Variants in CHSY3 observed in about 807,000 individuals in gnomAD.
CHSY3 encodes the protein N-acetylgalactosaminyl-proteoglycan 3-beta-glucuronosyltransferase 3.
In CHSY3, 35 loss-of-function variants were observed where a neutral mutation model predicts 67.2. The ratio of observed to expected loss-of-function variants is 0.52; its 90% CI spans 0.40 to 0.69. The LOEUF (loss-of-function observed/expected upper bound fraction) is 0.69, where lower values mean the gene tolerates loss of function less well. Ranked by LOEUF, CHSY3 falls within the 30% of genes least tolerant of loss-of-function variation. The probability of loss-of-function intolerance (pLI) is 0.00; values close to 1 mark genes in which losing one functional copy is unlikely to be tolerated. For synonymous variants in CHSY3, 474 were observed against 434.7 expected (o/e 1.09, Z -1.12); for missense variants, 1,069 against 1,138.5 (o/e 0.94, Z 0.88).
At chr5:130,088,602 C>T (rs7714299) in intron 2 of CHSY3, among the ~76,000 whole-genome samples, 1,839 of 152,138 alleles carry the variant, frequency 0.012, 38 homozygotes, top group African/African-American at 0.042. Flanking sequence ...ATTTATGCAG[C>T]CAAAAAACAC....
At position 130,033,725 on chromosome 5, in the gene CHSY3, T is replaced by C. The variant is rs118026080; in HGVS notation, c.1086+125365T>C. ...TTTTTGTGCCTAGGCTGCCCAAACATGGGGTAGACTTTTTAAATGATTTCC... is the reference window on the plus strand; with the variant it reads ...TTTTTGTGCCTAGGCTGCCCAAACACGGGGTAGACTTTTTAAATGATTTCC... On this transcript the variant is annotated intron_variant, in intron 2 of 2. Coordinates refer to ENST00000305031, the MANE Select transcript of CHSY3 (RefSeq NM_175856.5). 7.9e-5 allele frequency among the ~76,000 whole-genome samples: 12 copies of C among 152,210 alleles called. No individual in the cohort carries two copies. The East Asian group carries it at 1.5e-3, about 20-fold the overall frequency.
At chr5:129,986,990 C>G (rs1311379983) in intron 2 of CHSY3, among the ~76,000 whole-genome samples, 1 of 152,010 alleles carries the variant, frequency 6.6e-6, no homozygotes, top group African/African-American at 2.4e-5. Context: ...ACAAATTGAA[C>G]AAAGTTGAAA....
chr5:130,067,326 T>C (rs1192931932), intron 2 of CHSY3, among the ~76,000 whole-genome samples: 2 of 152,170 alleles, frequency 1.3e-5, no homozygotes, highest in Non-Finnish European at 2.9e-5. Flanking sequence ...AGTTCTGTTA[T>C]GTAACATGGT....
intron 2 of CHSY3, among the ~76,000 whole-genome samples, chr5:130,036,643 G>T (rs749317055): frequency 6.6e-6 from 1 of 152,108 alleles, no homozygotes; most frequent in Non-Finnish European, 1.5e-5. Flanking sequence ...GTCCTGCCAG[G>T]CTCCAGCTGT....
At chr5:130,115,054 A>G (rs1302134199) in intron 2 of CHSY3, among the ~76,000 whole-genome samples, 1 of 152,008 alleles carries the variant, frequency 6.6e-6, no homozygotes, top group East Asian at 1.9e-4. Flanking sequence ...CATGATTACA[A>G]CTATGGAAAA....
chr5:130,022,234 C>T (rs1764413531), intron 2 of CHSY3, among the ~76,000 whole-genome samples: 1 of 152,032 alleles, frequency 6.6e-6, no homozygotes, highest in Non-Finnish European at 1.5e-5. Flanking sequence ...TTTACCATGG[C>T]AATTATTGAA....
Position 129,905,411 on chromosome 5 carries a change from C to G in CHSY3, c.582C>G (p.Thr194=). ...LGSRALAAQR[T]WARFIPGRVE... Reference sequence around the variant, plus strand: ...GCCGCGCGCTGGCCGCGCAGCGGACCTGGGCGCGTTTCATCCCGGGCCGCG... The same window carrying G: ...GCCGCGCGCTGGCCGCGCAGCGGACGTGGGCGCGTTTCATCCCGGGCCGCG... The change falls in exon 1 of 3, where the codon ACC becomes ACG. Residue 194 remains threonine (T), a synonymous_variant. Transcript: ENST00000305031. 6.2e-7 allele frequency: 1 copy of G among 1,609,444 alleles called. No homozygotes were observed. The highest frequency in any genetic ancestry group is 8.5e-7 in the Non-Finnish European group (1 of 1,179,040).
intron 2 of CHSY3, among the ~76,000 whole-genome samples, chr5:130,102,730 T>A (rs1446785836): frequency 6.6e-6 from 1 of 152,132 alleles, no homozygotes; most frequent in Non-Finnish European, 1.5e-5. Flanking sequence ...GAATATGGCT[T>A]AATTGAAATT....
chr5:130,107,614 C>T (rs1767451682), intron 2 of CHSY3, among the ~76,000 whole-genome samples: 1 of 151,614 alleles, frequency 6.6e-6, no homozygotes, highest in African/African-American at 2.4e-5. Context: ...ACAGCCCTAA[C>T]TTCACTCTTT....
chr5:130,059,996 A>C (rs1243519513), intron 2 of CHSY3, among the ~76,000 whole-genome samples: 1 of 152,136 alleles, frequency 6.6e-6, no homozygotes, highest in Non-Finnish European at 1.5e-5. Flanking sequence ...GTACAAAAAA[A>C]AAACTGGTAC....
At chr5:129,913,462 A>T in intron 2 of CHSY3, among the ~76,000 whole-genome samples, 1 of 152,210 alleles carries the variant, frequency 6.6e-6, no homozygotes, top group East Asian at 1.9e-4. Context: ...ACATTTTATT[A>T]TAGATATGTT....
intron 2 of CHSY3, among the ~76,000 whole-genome samples, chr5:130,159,860 A>G (rs1202893129): frequency 6.6e-6 from 1 of 152,204 alleles, no homozygotes; most frequent in East Asian, 1.9e-4. Context: ...GACAGTACTT[A>G]CCATGGAACA....
At chr5:129,945,738 C>G (rs886077897) in intron 2 of CHSY3, among the ~76,000 whole-genome samples, 1 of 152,036 alleles carries the variant, frequency 6.6e-6, no homozygotes, top group South Asian at 2.1e-4. Context: ...AGGATAATAC[C>G]TTGCAGATGG....
At chr5:129,977,926 A>G (rs905776727) in intron 2 of CHSY3, among the ~76,000 whole-genome samples, 1 of 152,032 alleles carries the variant, frequency 6.6e-6, no homozygotes, top group Non-Finnish European at 1.5e-5. Context: ...AATAAATCAT[A>G]GATGGATTTC....
chr5:129,969,563 A>T (rs899550914), intron 2 of CHSY3, among the ~76,000 whole-genome samples: 6 of 152,018 alleles, frequency 3.9e-5, no homozygotes, highest in African/African-American at 1.4e-4. Context: ...TCTCAAGCCT[A>T]AAAAGAAACT....
At chr5:129,953,426 G>A (rs539959596) in intron 2 of CHSY3, among the ~76,000 whole-genome samples, 3 of 152,064 alleles carry the variant, frequency 2.0e-5, no homozygotes, top group Admixed American at 1.3e-4. Context: ...TGTGAATAGC[G>A]CTGCAATAAA....
At chr5:130,102,440 G>A (rs1767276396) in intron 2 of CHSY3, among the ~76,000 whole-genome samples, 1 of 151,416 alleles carries the variant, frequency 6.6e-6, no homozygotes, top group Non-Finnish European at 1.5e-5. Context: ...AACCTTACTG[G>A]TAGTTAACTG....
At chr5:130,061,073 T>C (rs1322699079) in intron 2 of CHSY3, among the ~76,000 whole-genome samples, 1 of 152,076 alleles carries the variant, frequency 6.6e-6, no homozygotes, top group Non-Finnish European at 1.5e-5. Context: ...CTAAAGTTCA[T>C]ATGGAACCAG....
intron 2 of CHSY3, among the ~76,000 whole-genome samples, chr5:130,058,444 A>G (rs1765604122): frequency 6.6e-6 from 1 of 152,120 alleles, no homozygotes; most frequent in African/African-American, 2.4e-5. Context: ...CCTGGCTAAC[A>G]TGGTAAAACC....
Sources: gnomAD v4.1 joint callset for allele counts (sites outside exome capture counted in the v4.1 genomes callset) on GRCh38, gnomAD v4.1.1 for gene constraint, MANE v1.5 for transcripts, NCBI Gene and HGNC (gene_info 2026-07-23, HGNC 2026-07-21) for gene names.